Variants in ST7L observed in about 807,000 individuals in gnomAD.
ST7L encodes the protein suppression of tumorigenicity 7 like, also known as suppressor of tumorigenicity 7 protein-like.
A neutral mutation model predicts 72.5 loss-of-function variants in ST7L; 57 were observed. The observed-to-expected ratio is 0.79, with a 90% CI of 0.64 to 0.98. The LOEUF (loss-of-function observed/expected upper bound fraction) is 0.98. ST7L is among the 50% of genes least tolerant of loss of function. The probability of loss-of-function intolerance (pLI) is 0.00; values close to 1 mark genes in which losing one functional copy is unlikely to be tolerated. For missense variants in ST7L, 576 were observed against 672.2 expected (o/e 0.86, Z 1.58); for synonymous variants, 221 against 240.9 (o/e 0.92, Z 0.77).
chr1:112,577,755 A>T (rs1663372044), intron 10 of ST7L, among the ~76,000 whole-genome samples: 1 of 152,132 alleles, frequency 6.6e-6, no homozygotes, highest in Admixed American at 6.5e-5. Context: ...CTTATTTGAG[A>T]GGACACAAAT....
chr1:112,567,099 C>CA (rs1423015006), intron 11 of ST7L, among the ~76,000 whole-genome samples: 1 of 152,160 alleles, frequency 6.6e-6, no homozygotes, highest in Non-Finnish European at 1.5e-5. Flanking sequence ...CTGACTTTCA[C>CA]ATTCTTATTG....
chr1:112,601,063 C>T (rs911977385), intron 3 of ST7L, among the ~76,000 whole-genome samples: 3 of 152,156 alleles, frequency 2.0e-5, no homozygotes, highest in African/African-American at 7.2e-5. Context: ...ATAGCACTTA[C>T]CATATTACAA....
intron 14 of ST7L, among the ~76,000 whole-genome samples, chr1:112,537,039 A>T (rs1655325832): frequency 6.6e-6 from 1 of 151,548 alleles, no homozygotes; most frequent in Non-Finnish European, 1.5e-5. Flanking sequence ...TCTGTTACCC[A>T]GGCTGGAGTG....
chr1:112,615,649 T>C (rs1004997491), intron 2 of ST7L, among the ~76,000 whole-genome samples: 5 of 152,206 alleles, frequency 3.3e-5, no homozygotes, highest in Admixed American at 2.0e-4. Flanking sequence ...ATATCGACTG[T>C]ACTCTGGCCT....
In ST7L at chr1:112,595,222, G is replaced by T. The variant is rs566601068; in HGVS notation, c.622+2749C>A. ...CTCTACTAAAAATACAAAATTAGCCGGGCATAGTGGTGCATGCCTGTAATC... is the reference window on the plus strand; with the variant it reads ...CTCTACTAAAAATACAAAATTAGCCTGGCATAGTGGTGCATGCCTGTAATC... On this transcript the variant is annotated intron_variant, in intron 5 of 14. Transcript: ENST00000358039. 1.4e-4 allele frequency among the ~76,000 whole-genome samples: 21 copies of T among 151,730 alleles called. No homozygotes were observed. In the East Asian group the frequency reaches 4.1e-3, roughly 30 times the overall value.
chr1:112,580,947 A>C (rs1434372848), intron 9 of ST7L, among the ~76,000 whole-genome samples: 1 of 152,064 alleles, frequency 6.6e-6, no homozygotes, highest in Admixed American at 6.6e-5. Context: ...AATAAAAATA[A>C]CCAATATATA....
At chr1:112,617,708 TTCTCTCTC>T (rs71677646) in intron 1 of ST7L, among the ~76,000 whole-genome samples, 1 of 117,656 alleles carries the variant, frequency 8.5e-6, no homozygotes, top group African/African-American at 4.0e-5. Context: ...CTGTCTGTCT[TTCTCTCTC>T]TCACACACAC....
chr1:112,582,535 T>C, intron 7 of ST7L, 63 bp from the exon 8 acceptor site: 2 of 926,748 alleles, frequency 2.2e-6, no homozygotes, highest in Non-Finnish European at 3.3e-6. Flanking sequence ...GCTATTTCAT[T>C]AACATATCCA....
chr1:112,603,685 G>A (rs1667777325), intron 3 of ST7L, among the ~76,000 whole-genome samples: 1 of 152,180 alleles, frequency 6.6e-6, no homozygotes, highest in African/African-American at 2.4e-5. Flanking sequence ...TGACTGTGTG[G>A]CTTAACAGAA....
rs191055738 is a variant in ST7L at position 112,555,082 on chromosome 1, T to C, written c.1396+786A>G. 4.1e-3 allele frequency among the ~76,000 whole-genome samples: 620 copies of C among 152,294 alleles called. 3 individuals are homozygous for C. Among genetic ancestry groups the C allele is most frequent in the African/African-American group, 0.014 (598 of 41,560 alleles). On this transcript the variant is annotated intron_variant, in intron 12 of 14. Coordinates refer to ENST00000358039, the MANE Select transcript of ST7L (RefSeq NM_017744.5). ...GGTGATGTTCGTACAACACTATGAA[T>C]GTACATAATGCCACTGAACTATATA...
chr1:112,606,506 G>A (rs1293702585), intron 3 of ST7L, among the ~76,000 whole-genome samples: 1 of 152,020 alleles, frequency 6.6e-6, no homozygotes, highest in Non-Finnish European at 1.5e-5. Context: ...TCACCAAACT[G>A]TCCTTATCCA....
At chr1:112,611,302 T>TA (rs1669032399) in intron 2 of ST7L, among the ~76,000 whole-genome samples, 1 of 152,246 alleles carries the variant, frequency 6.6e-6, no homozygotes, top group Non-Finnish European at 1.5e-5. Flanking sequence ...TCTGTTAAGT[T>TA]ACATTGTCAT....
intron 6 of ST7L, among the ~76,000 whole-genome samples, chr1:112,591,182 C>T (rs960394398): frequency 5.3e-5 from 8 of 152,096 alleles, no homozygotes; most frequent in South Asian, 2.1e-4. Flanking sequence ...CCGCCTGCCT[C>T]GGCCTCCCAA....
chr1:112,531,903 T>C (rs1459860706), intron 14 of ST7L, among the ~76,000 whole-genome samples: 1 of 152,208 alleles, frequency 6.6e-6, no homozygotes, highest in Non-Finnish European at 1.5e-5. Context: ...TTGGAGTCCT[T>C]CCATTCAATA....
At chr1:112,539,668 A>G (rs1294002283) in intron 14 of ST7L, 310 of 960,536 alleles carry the variant, frequency 3.2e-4, no homozygotes, top group Non-Finnish European at 3.5e-4. Flanking sequence ...AAAAAAAAAA[A>G]AAAAAGAAAA....
intron 11 of ST7L, among the ~76,000 whole-genome samples, chr1:112,556,302 G>A (rs990286041): frequency 6.6e-6 from 1 of 152,096 alleles, no homozygotes; most frequent in African/African-American, 2.4e-5. Flanking sequence ...GAGAAGATGT[G>A]AGAGTAGATA....
chr1:112,557,076 A>G (rs1659325317), intron 11 of ST7L, among the ~76,000 whole-genome samples: 1 of 151,962 alleles, frequency 6.6e-6, no homozygotes, highest in African/African-American at 2.4e-5. Flanking sequence ...TAGTTTTTAA[A>G]TAACAGCCTT....
chr1:112,569,407 A>G (rs1013135818), intron 11 of ST7L, among the ~76,000 whole-genome samples: 1 of 152,250 alleles, frequency 6.6e-6, no homozygotes, highest in African/African-American at 2.4e-5. Context: ...CATATGCTAC[A>G]TTATGCTAAG....
rs60106072 is a variant in ST7L, at chr1:112,556,966, C to CAAAAAAAAAAAAAAAAAAAAAAA, written c.1246-949_1246-948insTTTTTTTTTTTTTTTTTTTTTTT. 5.0e-4 allele frequency among the ~76,000 whole-genome samples: 25 copies of CAAAAAAAAAAAAAAAAAAAAAAA among 49,532 alleles called. 1 individual carries two copies. The highest frequency in any genetic ancestry group is 6.2e-4 in the Non-Finnish European group (15 of 24,248). The allele number at this position is 49,532 out of a possible 152,430, so 32.5% of individuals were successfully genotyped here. ...CTGGCGACAGAGCGAGACTCTGTCT[C>CAAAAAAAAAAAAAAAAAAAAAAA]AAAAAAAAAAAAAAAAAACAAAAAA... is the stretch of plus-strand genomic sequence containing the variant. On this transcript the variant is annotated intron_variant, in intron 11 of 14. Transcript: ENST00000358039.
Sources: allele counts gnomAD v4.1 joint callset (sites outside exome capture counted in the v4.1 genomes callset), GRCh38; gene constraint gnomAD v4.1.1; transcripts MANE v1.5; gene names NCBI Gene and HGNC (gene_info 2026-07-23, HGNC 2026-07-21).